Variants in KDM4C observed in about 807,000 individuals in gnomAD.
The protein encoded by KDM4C is lysine demethylase 4C.
Under a neutral mutation model 129.3 loss-of-function variants are expected in KDM4C, and 81 were observed. That is an observed-to-expected ratio of 0.63 (90% CI 0.52 to 0.75). The LOEUF is 0.75. KDM4C is among the 30% of genes least tolerant of loss of function. The pLI, the probability that KDM4C is intolerant of heterozygous loss-of-function variation, is 0.00. For synonymous variants in KDM4C, 573 were observed against 456.1 expected (o/e 1.26, Z -3.26); for missense variants, 1,457 against 1,304.0 (o/e 1.12, Z -1.81).
At chr9:6,920,679 A>G (rs1821349001) in intron 8 of KDM4C, among the ~76,000 whole-genome samples, 1 of 152,218 alleles carries the variant, frequency 6.6e-6, no homozygotes, top group Non-Finnish European at 1.5e-5. Context: ...AGAGTGAATG[A>G]AATCAGGGAA....
At chr9:7,064,608 C>G (rs541721269) in intron 17 of KDM4C, among the ~76,000 whole-genome samples, 1 of 152,272 alleles carries the variant, frequency 6.6e-6, no homozygotes, top group African/African-American at 2.4e-5. Flanking sequence ...CTGCAACGTG[C>G]AAGGCTCCTC....
chr9:7,093,859 T>C (rs1836099760), intron 17 of KDM4C, among the ~76,000 whole-genome samples: 1 of 152,218 alleles, frequency 6.6e-6, no homozygotes. Context: ...TTGAGGAATT[T>C]CATTCCCCGT....
At chr9:6,872,352 TG>T (rs1245044393) in intron 5 of KDM4C, among the ~76,000 whole-genome samples, 1 of 152,116 alleles carries the variant, frequency 6.6e-6, no homozygotes, top group Non-Finnish European at 1.5e-5. Flanking sequence ...GGTATTGATT[TG>T]GGGTGGAGAG....
intron 8 of KDM4C, among the ~76,000 whole-genome samples, chr9:6,930,591 C>T (rs1245257389): frequency 6.9e-6 from 1 of 144,584 alleles, no homozygotes; most frequent in African/African-American, 2.5e-5. Flanking sequence ...GTTATATATT[C>T]ATATGTATAT....
intron 9 of KDM4C, chr9:6,981,994 TTATAA>T (rs1191600501): frequency 6.4e-6 from 1 of 155,390 alleles, no homozygotes; most frequent in East Asian, 1.9e-4. Flanking sequence ...ATTATATATT[TTATAA>T]TATTATATAT....
chr9:7,052,894 A>AGAGAGAGAGAGC (rs1339242817), intron 17 of KDM4C, among the ~76,000 whole-genome samples: 1,828 of 105,188 alleles, frequency 0.017, 123 homozygotes, highest in Middle Eastern at 0.068. Flanking sequence ...AGAGAGAGAG[A>AGAGAGAGAGAGC]GAGAGAGCGA....
intron 1 of KDM4C, among the ~76,000 whole-genome samples, chr9:6,768,087 C>T (rs1464693933): frequency 6.6e-6 from 1 of 152,114 alleles, no homozygotes; most frequent in Non-Finnish European, 1.5e-5. Flanking sequence ...TCCCTTCTGT[C>T]TAAAATTCCC....
chr9:7,111,190 C>G (rs118001964), intron 18 of KDM4C, among the ~76,000 whole-genome samples: 2,623 of 152,008 alleles, frequency 0.017, 38 homozygotes, highest in Non-Finnish European at 0.024. Flanking sequence ...AAAGGCTTTT[C>G]AGATATTAAC....
intron 15 of KDM4C, among the ~76,000 whole-genome samples, chr9:7,033,587 T>TTTTTA (rs1054720242): frequency 1.3e-5 from 2 of 152,246 alleles, no homozygotes; most frequent in Non-Finnish European, 2.9e-5. Flanking sequence ...GTTAGGGAAC[T>TTTTTA]GCTGAGTGGC....
intron 15 of KDM4C, among the ~76,000 whole-genome samples, chr9:7,044,194 G>C (rs1302736379): frequency 1.3e-5 from 2 of 152,006 alleles, no homozygotes; most frequent in African/African-American, 4.8e-5. Flanking sequence ...GGGGATTCTT[G>C]TTTGAGGGAG....
At chr9:7,161,043 G>A (rs550486437) in intron 19 of KDM4C, among the ~76,000 whole-genome samples, 2 of 152,218 alleles carry the variant, frequency 1.3e-5, no homozygotes, top group South Asian at 2.1e-4. Context: ...AATGGCAGAC[G>A]CCTCTCCCCC....
Position 6,986,429 on chromosome 9 carries a change from A to G in KDM4C, c.1440A>G (p.Ile480Met). Residue 480 changes from isoleucine (I) to methionine (M), a missense_variant, in exon 11 of 22, where the codon ATA becomes ATG. Coordinates refer to ENST00000381309, the MANE Select transcript of KDM4C (RefSeq NM_015061.6). ...ATGCATATAGAAGTGTACCTTCTAT[A>G]TCCAGTGAGGCTGATGATTCCATTC... is the stretch of plus-strand genomic sequence containing the variant. ...KAYAYRSVPS[I>M]SSEADDSIPL... is the part of the protein sequence containing the mutation. The G allele has an allele frequency of 6.2e-7, 1 of 1,614,052 alleles. No individual in the cohort carries two copies. Among genetic ancestry groups the G allele is most frequent in the Non-Finnish European group, 8.5e-7 (1 of 1,179,884 alleles).
At chr9:6,740,816 G>A (rs996706344) in intron 1 of KDM4C, among the ~76,000 whole-genome samples, 21 of 133,174 alleles carry the variant, frequency 1.6e-4, no homozygotes, top group African/African-American at 5.7e-4. Context: ...ACTGTATCCA[G>A]CCAGTAGTAT....
At chr9:6,913,768 A>G (rs1819778435) in intron 8 of KDM4C, among the ~76,000 whole-genome samples, 1 of 152,240 alleles carries the variant, frequency 6.6e-6, no homozygotes, top group Non-Finnish European at 1.5e-5. Flanking sequence ...CCCAGATGAC[A>G]ATTCAAACAG....
intron 4 of KDM4C, among the ~76,000 whole-genome samples, chr9:6,827,508 C>T (rs979771967): frequency 3.9e-5 from 6 of 152,124 alleles, no homozygotes; most frequent in African/African-American, 1.4e-4. Context: ...TTTCCCTCTC[C>T]CTCAATGGGG....
intron 8 of KDM4C, among the ~76,000 whole-genome samples, chr9:6,935,918 A>G (rs1323451243): frequency 6.6e-6 from 1 of 152,218 alleles, no homozygotes; most frequent in Non-Finnish European, 1.5e-5. Flanking sequence ...TGAAAAGTAG[A>G]TGAAAGAATA....
intron 8 of KDM4C, among the ~76,000 whole-genome samples, chr9:6,919,255 C>CT (rs1554643787): frequency 0.022 from 2,634 of 122,420 alleles, 43 homozygotes; most frequent in African/African-American, 0.048. Flanking sequence ...TCTTTTCTTT[C>CT]TTTCTTTCTT....
chr9:6,912,532 T>C (rs1054929902), intron 8 of KDM4C, among the ~76,000 whole-genome samples: 8 of 152,132 alleles, frequency 5.3e-5, no homozygotes, highest in Non-Finnish European at 1.2e-4. Context: ...ACAGAAATGA[T>C]CATTAATGTA....
At chr9:6,827,792 T>G (rs963961678) in intron 4 of KDM4C, among the ~76,000 whole-genome samples, 8 of 152,370 alleles carry the variant, frequency 5.3e-5, no homozygotes, top group Middle Eastern at 3.4e-3. Flanking sequence ...CTTGTAGGAT[T>G]GTGACTTTCA....
Sources: allele counts gnomAD v4.1 joint callset (sites outside exome capture counted in the v4.1 genomes callset), GRCh38; gene constraint gnomAD v4.1.1; transcripts MANE v1.5; gene names NCBI Gene and HGNC (gene_info 2026-07-23, HGNC 2026-07-21).